ALYREF: variants seen among roughly 807,000 people sequenced by gnomAD.
ALYREF encodes Aly/REF export factor.
ALYREF carries 1 observed loss-of-function variant against 25.2 expected under a neutral mutation model. That is an observed-to-expected ratio of 0.04 (90% CI 0.01 to 0.19). The LOEUF (loss-of-function observed/expected upper bound fraction) is 0.19, where lower values mean the gene tolerates loss of function less well. ALYREF is among the 10% of genes least tolerant of loss of function. The pLI is 1.00. For missense variants in ALYREF, 328 were observed against 375.6 expected, an observed-to-expected ratio of 0.87 and a Z score of 1.05; for synonymous variants, 193 against 153.5, an observed-to-expected ratio of 1.26 and a Z score of -1.90.
chr17:81,888,490 AT>A lies in ALYREF; in HGVS notation c.602+29del. 1 of 1,602,498 alleles carries A rather than the reference AT, an allele frequency of 6.2e-7. No homozygotes were observed. The highest frequency in any genetic ancestry group is 8.5e-7 in the Non-Finnish European group (1 of 1,173,658). Reference sequence around the variant, plus strand: ...AGCGACGCAGCCTCACCCTCGGCCAATCCCCTTCCCCAGAGGCCCCGGAAGT... The same window carrying A: ...AGCGACGCAGCCTCACCCTCGGCCAACCCCTTCCCCAGAGGCCCCGGAAGT... On this transcript the variant is annotated intron_variant, in intron 4 of 5. Transcript: ENST00000505490. The surrounding 1 kb of genome is among the most constrained non-coding windows in gnomAD (Gnocchi z 5.8).
At position 81,890,787 on chromosome 17, in the gene ALYREF, G is replaced by C; in HGVS notation, c.292C>G (p.Leu98Val). ...CCACCGCCGAAGCCACTGTCGAAAA[G>C]ATCGTGCTGCCACTTGTCGGGAAGT... The part of the protein sequence containing the change: ...KQLPDKWQHD[L>V]FDSGFGGGAG... Residue 98 changes from leucine to valine, a missense_variant, in exon 2 of 6, where the codon CTT becomes GTT. Transcript: ENST00000505490. 1 of 1,614,152 alleles carries C rather than the reference G, an allele frequency of 6.2e-7. No homozygotes were observed. Among genetic ancestry groups the C allele is most frequent in the Non-Finnish European group, 8.5e-7 (1 of 1,180,020 alleles).
chr17:81,889,572 G>A (rs1009115079), intron 2 of ALYREF, among the ~76,000 whole-genome samples: 2 of 152,216 alleles, frequency 1.3e-5, no homozygotes, highest in Non-Finnish European at 2.9e-5. Flanking sequence ...GGTAGAGGAA[G>A]CTGCAAAGCC....
chr17:81,891,530 G>T lies in ALYREF; in HGVS notation c.51C>A (p.Asp17Glu), dbSNP rs2039529994. The change falls in exon 1 of 6, where the codon GAC (aspartate) becomes GAA (glutamate). Residue 17 changes from aspartate (D) to glutamate (E), a missense_variant. This residue lies in a region of ALYREF where 150 missense variants were observed against 135.3 expected (regional missense o/e 1.11). Transcript: ENST00000505490. ...AMADKMDMSL[D>E]DIIKLNRSQR... ...GGCTCCGGTTCAGTTTAATGATGTC[G>T]TCCAGAGACATGTCCATTTTGTCGG... The T allele has an allele frequency of 1.4e-6, 2 of 1,429,882 alleles. No homozygotes were observed. The highest frequency in any genetic ancestry group is 1.8e-6 in the Non-Finnish European group (2 of 1,089,346). 88.6% of individuals were successfully genotyped at this position (1,429,882 alleles called of 1,614,324 possible). A position where few individuals can be genotyped will look rare whatever the true frequency, so the allele number is the denominator to read the frequency against.
chr17:81,891,122 G>C (rs1037352249), intron 1 of ALYREF: 7 of 636,196 alleles, frequency 1.1e-5, no homozygotes, highest in Non-Finnish European at 1.7e-5. Context: ...AAGGGTCTCA[G>C]CCTCCGGGAC....
rs1486326288 is a variant in ALYREF, at chr17:81,888,739, G to C, written c.539-156C>G. 6.8e-7 allele frequency: 1 copy of C among 1,461,026 alleles called. No individual in the cohort carries two copies. Among genetic ancestry groups the C allele is most frequent in the East Asian group, 2.5e-5 (1 of 39,998 alleles). 90.5% of individuals were successfully genotyped at this position (1,461,026 alleles called of 1,614,324 possible). A position where few individuals can be genotyped will look rare whatever the true frequency, so the allele number is the denominator to read the frequency against. ...AAATGGCCTGGAGATACTGGTGGGA[G>C]AACAAAATGGCAAGGAAGCAACCCC... On this transcript the variant is annotated intron_variant, in intron 3 of 5. Coordinates refer to ENST00000505490, the MANE Select transcript of ALYREF (RefSeq NM_005782.4). This position sits in a 1 kb window ranked among gnomAD's most constrained non-coding sequence, Gnocchi z 5.8.
rs1458331018 is a variant in ALYREF, at chr17:81,888,177, C to T, written c.781-32G>A. ...CACAGAGGAGAAAGAGGCTTGCATTCACAGGCGGCCTGCTCCCCACTGCGG... is the reference window on the plus strand; with the variant it reads ...CACAGAGGAGAAAGAGGCTTGCATTTACAGGCGGCCTGCTCCCCACTGCGG... On this transcript the variant is annotated intron_variant, in intron 5 of 5. Coordinates refer to ENST00000505490, the MANE Select transcript of ALYREF (RefSeq NM_005782.4). This position sits in a 1 kb window ranked among gnomAD's most constrained non-coding sequence, Gnocchi z 5.8. 6.2e-7 allele frequency: 1 copy of T among 1,614,162 alleles called. No homozygotes were observed. The highest frequency in any genetic ancestry group is 8.5e-7 in the Non-Finnish European group (1 of 1,180,020).
In ALYREF at chr17:81,889,000, G is replaced by A. The variant is rs1170801425; in HGVS notation, c.538+182C>T. On this transcript the variant is annotated intron_variant, in intron 3 of 5. Transcript: ENST00000505490. This position sits in a 1 kb window ranked among gnomAD's most constrained non-coding sequence, Gnocchi z 5.8. ...GAGGGATGTAGCTTGCTGGATGGGG[G>A]TTCACAAGAGGTTGGTCCAGATGTG... 1 of 1,431,176 alleles carries A rather than the reference G, an allele frequency of 7.0e-7. No homozygotes were observed. The highest frequency in any genetic ancestry group is 9.1e-7 in the Non-Finnish European group (1 of 1,093,548). The allele number at this position is 1,431,176 out of a possible 1,614,324, so 88.7% of individuals were successfully genotyped here. A position where few individuals can be genotyped will look rare whatever the true frequency, so the allele number is the denominator to read the frequency against.
intron 2 of ALYREF, 37 bp from the exon 3 acceptor site, chr17:81,889,366 A>T: frequency 1.2e-6 from 2 of 1,606,678 alleles, no homozygotes; most frequent in South Asian, 1.1e-5. Flanking sequence ...GAAAAGCAAC[A>T]AAACTGCGTT....
At chr17:81,890,955 C>G (rs1266112652) in intron 1 of ALYREF, 135 bp from the exon 2 acceptor site, 1 of 1,361,812 alleles carries the variant, frequency 7.3e-7, no homozygotes, top group African/African-American at 1.5e-5. Context: ...AGCGCTCCCT[C>G]CGGCGCTGCA....
intron 2 of ALYREF, 41 bp from the exon 3 acceptor site, chr17:81,889,370 C>T: frequency 6.2e-7 from 1 of 1,605,496 alleles, no homozygotes; most frequent in Non-Finnish European, 8.5e-7. Flanking sequence ...AGCAACAAAA[C>T]TGCGTTCCTT....
chr17:81,890,713 A>G lies in ALYREF; in HGVS notation c.366T>C (p.Phe122=), dbSNP rs1292628458. Residue 122 remains phenylalanine, a synonymous_variant, in exon 2 of 6, where the codon TTT becomes TTC. Transcript: ENST00000505490. Reference sequence around the variant, plus strand: ...CCTGAATATCGGCGTCTGAGACTCCAAAATCCAGATTGGACACCAGCAGTT... The same window carrying G: ...CCTGAATATCGGCGTCTGAGACTCCGAAATCCAGATTGGACACCAGCAGTT... ...GGKLLVSNLD[F]GVSDADIQEL... 6.2e-7 allele frequency: 1 copy of G among 1,613,636 alleles called. No homozygotes were observed. The highest frequency in any genetic ancestry group is 1.3e-5 in the African/African-American group (1 of 74,832).
At position 81,888,682 on chromosome 17, in the gene ALYREF, C is replaced by A; in HGVS notation, c.539-99G>T. 2 of 1,524,032 alleles carry A rather than the reference C, an allele frequency of 1.3e-6. No individual in the cohort carries two copies. Among genetic ancestry groups the A allele is most frequent in the Non-Finnish European group, 1.8e-6 (2 of 1,128,658 alleles). The allele number at this position is 1,524,032 out of a possible 1,614,324, so 94.4% of individuals were successfully genotyped here. ...GTCTCCATGCAAACACTGGAAAGGG[C>A]CTCTGTGCGTCTCAAATGCCCCCGA... On this transcript the variant is annotated intron_variant, in intron 3 of 5. Coordinates refer to ENST00000505490, the MANE Select transcript of ALYREF (RefSeq NM_005782.4). This position sits in a 1 kb window ranked among gnomAD's most constrained non-coding sequence, Gnocchi z 5.8.
At chr17:81,890,962 T>A in intron 1 of ALYREF, 142 bp from the exon 2 acceptor site, 1 of 1,303,500 alleles carries the variant, frequency 7.7e-7, no homozygotes. Context: ...CCTCCGGCGC[T>A]GCAGCTGCCC....
intron 1 of ALYREF, 172 bp from the exon 2 acceptor site, chr17:81,890,992 C>A: frequency 1.0e-6 from 1 of 971,566 alleles, no homozygotes; most frequent in Non-Finnish European, 1.5e-6. Flanking sequence ...GCCGCACGGT[C>A]CCACCGCGGC....
chr17:81,891,580 T>TCGGCTCGAGCCC lies in ALYREF; in HGVS notation c.-1_1insGGGCTCGAGCCG, dbSNP rs1482695344. 2.8e-6 allele frequency: 4 copies of TCGGCTCGAGCCC among 1,416,010 alleles called. No homozygotes were observed. The highest frequency in any genetic ancestry group is 3.7e-6 in the Non-Finnish European group (4 of 1,080,566). The allele number at this position is 1,416,010 out of a possible 1,614,324, so 87.7% of individuals were successfully genotyped here. On this transcript the variant is annotated 5_prime_UTR_variant, in exon 1 of 6. Transcript: ENST00000505490. The stretch of plus-strand genomic sequence containing the variant: ...GCCATGGCGGGCGCGGAATCGGGCA[T>TCGGCTCGAGCCC]CGGCTCGAGCCCGCGCGTCAGCACG...
rs2039503920 is a variant in ALYREF, at chr17:81,890,677, C to T, written c.390+12G>A. The T allele has an allele frequency of 1.2e-6, 2 of 1,613,052 alleles. No individual in the cohort carries two copies. The highest frequency in any genetic ancestry group is 2.2e-5 in the East Asian group (1 of 44,906). On this transcript the variant is annotated intron_variant, in intron 2 of 5. Coordinates refer to ENST00000505490, the MANE Select transcript of ALYREF (RefSeq NM_005782.4). Reference sequence around the variant, plus strand: ...AGGGCGAACGGCTCACCGAGAAGCCCTCGTCTCTTACCTGAATATCGGCGT... The same window carrying T: ...AGGGCGAACGGCTCACCGAGAAGCCTTCGTCTCTTACCTGAATATCGGCGT...
rs1293920152 is a variant in ALYREF, at chr17:81,888,051, C to G, written c.*80G>C. On this transcript the variant is annotated 3_prime_UTR_variant, in exon 6 of 6. Coordinates refer to ENST00000505490, the MANE Select transcript of ALYREF (RefSeq NM_005782.4). This position sits in a 1 kb window ranked among gnomAD's most constrained non-coding sequence, Gnocchi z 5.8. ...AGAAACAAATCCATCATTGGCCGCACAGCCCCAGCCACCGCCCCCCAACCA... is the reference window on the plus strand; with the variant it reads ...AGAAACAAATCCATCATTGGCCGCAGAGCCCCAGCCACCGCCCCCCAACCA... 2.8e-5 allele frequency: 44 copies of G among 1,561,190 alleles called. No individual in the cohort carries two copies. Among genetic ancestry groups the G allele is most frequent in the Non-Finnish European group, 3.8e-5 (43 of 1,140,326 alleles).
chr17:81,890,146 T>C (rs528541746), intron 2 of ALYREF, among the ~76,000 whole-genome samples: 2 of 152,268 alleles, frequency 1.3e-5, no homozygotes, highest in East Asian at 1.9e-4. Context: ...AATTTTTCTT[T>C]TTTTAAAAAA....
In ALYREF at chr17:81,891,460, A is replaced by C; in HGVS notation, c.121T>G (p.Ser41Ala). The change falls in exon 1 of 6, where the codon TCC (serine) becomes GCC (alanine). Residue 41 changes from serine (S) to alanine (A), a missense_variant. Around this residue, in one of 3 missense-constraint regions of ALYREF, gnomAD observed 150 missense variants for 135.3 expected, o/e 1.11. Coordinates refer to ENST00000505490, the MANE Select transcript of ALYREF (RefSeq NM_005782.4). ...GCCCCACCGCCGCGGCCGCCCTGGG[A>C]GCCGGCCCGGCCGCGGCCCCGGCCC... The part of the protein sequence containing the change: ...GGGRGRGRAG[S>A]QGGRGGGAQA... The C allele has an allele frequency of 9.3e-7, 1 of 1,077,318 alleles. No homozygotes were observed. Among genetic ancestry groups the C allele is most frequent in the Non-Finnish European group, 1.1e-6 (1 of 889,040 alleles). The allele number at this position is 1,077,318 out of a possible 1,614,324, so 66.7% of individuals were successfully genotyped here.
Sources: gnomAD v4.1 joint callset for allele counts (sites outside exome capture counted in the v4.1 genomes callset) on GRCh38, gnomAD v4.1.1 for gene constraint, gnomAD v4.1.1 regional missense constraint, Gnocchi (gnomAD v3.1) non-coding constraint, MANE v1.5 for transcripts, NCBI Gene and HGNC (gene_info 2026-07-23, HGNC 2026-07-21) for gene names.